Variants in FCF1 observed in about 807,000 individuals in gnomAD.
FCF1 encodes FCF1 rRNA-processing protein, also known as rRNA-processing protein FCF1 homolog.
In FCF1, 17 loss-of-function variants were observed where a neutral mutation model predicts 32.5. The ratio of observed to expected loss-of-function variants is 0.52; its 90% confidence interval spans 0.36 to 0.78. The LOEUF (loss-of-function observed/expected upper bound fraction) is 0.78. FCF1 is among the 30% of genes least tolerant of loss of function. The pLI, the probability that FCF1 is intolerant of heterozygous loss-of-function variation, is 0.00. For synonymous variants in FCF1, 84 were observed against 78.4 expected, an observed-to-expected ratio of 1.07 and a Z score of -0.38; for missense variants, 201 against 241.1, an observed-to-expected ratio of 0.83 and a Z score of 1.10.
intron 2 of FCF1, 175 bp downstream of exon 2, chr14:74,713,727 G>C: frequency 1.6e-6 from 1 of 625,592 alleles, no homozygotes; most frequent in Non-Finnish European, 2.9e-6. Flanking sequence ...ATCACACTGG[G>C]AAAGGCGATG....
rs755894648 is a variant in FCF1 at position 74,736,233 on chromosome 14, A to ACCCCAC, written c.*1305_*1310dup. Reference sequence around the variant, plus strand: ...AGATGAGCCTGGACAACATGGCAAAACCCCACCTCTACTAAAAATACAAAA... The same window carrying ACCCCAC: ...AGATGAGCCTGGACAACATGGCAAAACCCCACCCCCACCTCTACTAAAAATACAAAA... On this transcript the variant is annotated 3_prime_UTR_variant, in exon 8 of 8. Transcript: ENST00000341162. The ACCCCAC allele has an allele frequency of 1.3e-5, 2 of 151,656 alleles. No individual in the cohort carries two copies. The highest frequency in any genetic ancestry group is 2.9e-5 in the Non-Finnish European group (2 of 67,990). 9.4% of individuals were successfully genotyped at this position (151,656 alleles called of 1,614,324 possible). A position where few individuals can be genotyped will look rare whatever the true frequency, so the allele number is the denominator to read the frequency against.
chr14:74,716,579 A>G (rs2090424127), intron 4 of FCF1, among the ~76,000 whole-genome samples: 1 of 152,206 alleles, frequency 6.6e-6, no homozygotes. Flanking sequence ...TTCGTAGTAC[A>G]GAGGATCTGA....
At chr14:74,723,029 G>A (rs115095715) in intron 4 of FCF1, among the ~76,000 whole-genome samples, 1,576 of 152,182 alleles carry the variant, frequency 0.01, 28 homozygotes, top group African/African-American at 0.036. Flanking sequence ...AATAATGACA[G>A]AGTTCAGCTT....
intron 4 of FCF1, among the ~76,000 whole-genome samples, chr14:74,720,241 G>A (rs1488521988): frequency 6.6e-6 from 1 of 152,164 alleles, no homozygotes; most frequent in Admixed American, 6.6e-5. Flanking sequence ...AAAGTGTACA[G>A]TTCAGTGACT....
chr14:74,733,657 A>G (rs1050619359), intron 6 of FCF1, among the ~76,000 whole-genome samples: 3 of 152,266 alleles, frequency 2.0e-5, no homozygotes, highest in African/African-American at 7.2e-5. Flanking sequence ...GGCCCAGAGC[A>G]CACCCAAGCC....
intron 5 of FCF1, among the ~76,000 whole-genome samples, chr14:74,723,557 G>A (rs996867713): frequency 2.0e-5 from 3 of 151,844 alleles, no homozygotes; most frequent in African/African-American, 2.4e-5. Context: ...TATCTTGTCC[G>A]GGCTCGGTGG....
chr14:74,719,441 G>A (rs2090470140), intron 4 of FCF1, among the ~76,000 whole-genome samples: 2 of 151,666 alleles, frequency 1.3e-5, no homozygotes, highest in East Asian at 3.9e-4. Flanking sequence ...GCAACATGGT[G>A]TGACCGCATC....
chr14:74,720,999 C>T (rs2090494453), intron 4 of FCF1, among the ~76,000 whole-genome samples: 1 of 151,222 alleles, frequency 6.6e-6, no homozygotes, highest in African/African-American at 2.4e-5. Context: ...ATGCCTCAGC[C>T]TCCCAGTAGC....
Position 74,737,078 on chromosome 14 carries a change from A to G in FCF1, c.*2148A>G, listed in dbSNP as rs1052131428. The G allele has an allele frequency of 6.6e-6, 1 of 152,184 alleles. No homozygotes were observed. The highest frequency in any genetic ancestry group is 1.5e-5 in the Non-Finnish European group (1 of 68,052). The allele number at this position is 152,184 out of a possible 1,614,324, so 9.4% of individuals were successfully genotyped here. On this transcript the variant is annotated 3_prime_UTR_variant, in exon 8 of 8. Transcript: ENST00000341162. ...AAGCATAGGAAACAGTACACCATAG[A>G]AAATCCATTAACCTATGTATAATCC...
At chr14:74,733,816 C>T (rs1037201248) in intron 6 of FCF1, among the ~76,000 whole-genome samples, 3 of 152,164 alleles carry the variant, frequency 2.0e-5, no homozygotes, top group Non-Finnish European at 4.4e-5. Flanking sequence ...AAACAGTTTG[C>T]AGCTTGTGAA....
chr14:74,713,676 A>G (rs1011222729), intron 2 of FCF1, 124 bp downstream of exon 2: 2 of 787,974 alleles, frequency 2.5e-6, no homozygotes, highest in Non-Finnish European at 4.2e-6. Context: ...TTTATATAGC[A>G]TGAGATAGCC....
At chr14:74,734,316 C>A in intron 7 of FCF1, 146 bp downstream of exon 7, 1 of 542,324 alleles carries the variant, frequency 1.8e-6, no homozygotes, top group Non-Finnish European at 3.3e-6. Flanking sequence ...TGAGACAAAG[C>A]AAGAGCAAGA....
chr14:74,735,192 C>A lies in FCF1; in HGVS notation c.*262C>A. The A allele has an allele frequency of 2.6e-6, 1 of 381,072 alleles. No homozygotes were observed. The highest frequency in any genetic ancestry group is 2.1e-5 in the African/African-American group (1 of 48,302). 23.6% of individuals were successfully genotyped at this position (381,072 alleles called of 1,614,324 possible). A position where few individuals can be genotyped will look rare whatever the true frequency, so the allele number is the denominator to read the frequency against. ...TGCAGGGGGAAGCATATTACAGAAG[C>A]AAGAAAGACAGTTATTCAATTAACT... On this transcript the variant is annotated 3_prime_UTR_variant, in exon 8 of 8. Transcript: ENST00000341162.
intron 5 of FCF1, among the ~76,000 whole-genome samples, chr14:74,727,929 T>C (rs909630373): frequency 1.3e-5 from 2 of 152,234 alleles, no homozygotes; most frequent in African/African-American, 4.8e-5. Context: ...TGCGGCGTTA[T>C]TTCTGAGGGC....
At chr14:74,722,480 C>T (rs547973704) in intron 4 of FCF1, among the ~76,000 whole-genome samples, 1 of 152,222 alleles carries the variant, frequency 6.6e-6, no homozygotes, top group Non-Finnish European at 1.5e-5. Flanking sequence ...TTCTTTGTGT[C>T]TCAGGTTCCT....
chr14:74,717,526 CTG>C (rs1413602892), intron 4 of FCF1, among the ~76,000 whole-genome samples: 1 of 152,122 alleles, frequency 6.6e-6, no homozygotes, highest in African/African-American at 2.4e-5. Flanking sequence ...ATAGGCCTTT[CTG>C]TATTACTTTT....
In FCF1 at chr14:74,734,994, C is replaced by A; in HGVS notation, c.*64C>A. The A allele has an allele frequency of 7.4e-7, 1 of 1,351,010 alleles. No homozygotes were observed. Among genetic ancestry groups the A allele is most frequent in the Non-Finnish European group, 1.1e-6 (1 of 941,676 alleles). 83.7% of individuals were successfully genotyped at this position (1,351,010 alleles called of 1,614,324 possible). ...ACTTTCTCTTGTTGCCAGTTCATTACACAAAATGTAGCGGGATTTTTAAGG... is the reference window on the plus strand; with the variant it reads ...ACTTTCTCTTGTTGCCAGTTCATTAAACAAAATGTAGCGGGATTTTTAAGG... On this transcript the variant is annotated 3_prime_UTR_variant, in exon 8 of 8. Coordinates refer to ENST00000341162, the MANE Select transcript of FCF1 (RefSeq NM_015962.5).
chr14:74,716,340 C>G (rs564476476), intron 4 of FCF1, among the ~76,000 whole-genome samples: 6 of 152,216 alleles, frequency 3.9e-5, no homozygotes, highest in Admixed American at 3.3e-4. Flanking sequence ...TTATGGACAT[C>G]AATTTTGAAC....
At chr14:74,714,157 T>G (rs776089013) in intron 2 of FCF1, among the ~76,000 whole-genome samples, 1 of 152,132 alleles carries the variant, frequency 6.6e-6, no homozygotes, top group Non-Finnish European at 1.5e-5. Flanking sequence ...TTCACTGAGT[T>G]TAAGAGTCTC....
Sources: allele counts gnomAD v4.1 joint callset (sites outside exome capture counted in the v4.1 genomes callset), GRCh38; gene constraint gnomAD v4.1.1; transcripts MANE v1.5; gene names NCBI Gene and HGNC (gene_info 2026-07-23, HGNC 2026-07-21).